Variants in IQSEC1 observed in about 807,000 individuals in gnomAD.
The protein encoded by IQSEC1 is IQ motif and Sec7 domain ArfGEF 1.
In IQSEC1, 31 loss-of-function variants were observed where a neutral mutation model predicts 91.0. That is an observed-to-expected ratio of 0.34 (90% CI 0.26 to 0.46). The LOEUF (loss-of-function observed/expected upper bound fraction) is 0.46. IQSEC1 is among the 20% of genes least tolerant of loss of function. IQSEC1 has a pLI of 1.00. For synonymous variants in IQSEC1, 699 were observed against 662.6 expected (o/e 1.05, Z -0.84); for missense variants, 1,388 against 1,575.6 (o/e 0.88, Z 2.02).
Position 12,935,563 on chromosome 3 carries a change from T to G in IQSEC1, c.1453A>C (p.Thr485Pro), listed in dbSNP as rs759043751. Residue 485 changes from threonine to proline, a missense_variant, in exon 3 of 14, where the codon ACG (threonine) becomes CCG (proline). Thr to Pro is a conservative substitution (Grantham distance 38). Around this residue, in one of 2 missense-constraint regions of IQSEC1, gnomAD observed 1,059 missense variants for 1,317.8 expected, o/e 0.80. Coordinates refer to ENST00000613206, the MANE Select transcript of IQSEC1 (RefSeq NM_001134382.3). The surrounding 1 kb of genome is among the most constrained non-coding windows in gnomAD (Gnocchi z 8.0). ...SSSRDSLREQ[T>P]LSKQTYHKEA... ...TTGTGGTAGGTCTGCTTGCTGAGCG[T>G]CTGCTCCCGCAGGCTGTCACGGGAC... The G allele has an allele frequency of 1.9e-6, 3 of 1,613,964 alleles. No individual in the cohort carries two copies. The highest frequency in any genetic ancestry group is 2.5e-6 in the Non-Finnish European group (3 of 1,180,024).
In IQSEC1 at chr3:12,922,028, T is replaced by G. The variant is rs990431569; in HGVS notation, c.1853+92A>C. The G allele has an allele frequency of 2.8e-6, 4 of 1,424,590 alleles. No homozygotes were observed. The East Asian group carries it at 7.5e-5, about 27-fold the overall frequency. 88.2% of individuals were successfully genotyped at this position (1,424,590 alleles called of 1,614,324 possible). On this transcript the variant is annotated intron_variant, in intron 5 of 13. Transcript: ENST00000613206. This position sits in a 1 kb window ranked among gnomAD's most constrained non-coding sequence, Gnocchi z 5.1. Reference sequence around the variant, plus strand: ...GACACCTGGCCCTGTCTAGGGATGGTGGGGATGCAGTCTTTGGTCCATCCT... The same window carrying G: ...GACACCTGGCCCTGTCTAGGGATGGGGGGGATGCAGTCTTTGGTCCATCCT...
At chr3:13,254,310 C>T (rs1395051182) in intron 1 of IQSEC1, among the ~76,000 whole-genome samples, 1 of 152,202 alleles carries the variant, frequency 6.6e-6, no homozygotes, top group African/African-American at 2.4e-5. Flanking sequence ...CCTCGCTGGC[C>T]AGGAGGTGCC....
At chr3:13,271,856 A>G (rs1158019937) in intron 1 of IQSEC1, among the ~76,000 whole-genome samples, 2 of 152,240 alleles carry the variant, frequency 1.3e-5, no homozygotes, top group Non-Finnish European at 2.9e-5. Context: ...TGGAGACATC[A>G]ATACCTCACT....
chr3:13,064,749 AGGACCAGACTC>A (rs1384457050), intron 1 of IQSEC1, among the ~76,000 whole-genome samples: 2 of 152,276 alleles, frequency 1.3e-5, no homozygotes, highest in Non-Finnish European at 2.9e-5. Context: ...AAGAGGAGTG[AGGACCAGACTC>A]GGATAGTTGC....
At chr3:13,280,248 C>T (rs1487914412) in intron 1 of IQSEC1, among the ~76,000 whole-genome samples, 2 of 152,200 alleles carry the variant, frequency 1.3e-5, no homozygotes, top group East Asian at 1.9e-4. Flanking sequence ...TATTCTCTTC[C>T]TCTCCATTCT....
intron 1 of IQSEC1, among the ~76,000 whole-genome samples, chr3:13,220,136 T>C (rs1694629438): frequency 6.6e-6 from 1 of 152,212 alleles, no homozygotes; most frequent in Non-Finnish European, 1.5e-5. Context: ...AGATTTTAAA[T>C]TGGCACGGGT....
chr3:13,281,461 G>C (rs1383591289), intron 1 of IQSEC1, among the ~76,000 whole-genome samples: 1 of 114,674 alleles, frequency 8.7e-6, no homozygotes, highest in Non-Finnish European at 2.1e-5. Context: ...CACGCACAGA[G>C]CCATGTATGT....
chr3:12,945,030 C>A (rs1699085762), intron 1 of IQSEC1, among the ~76,000 whole-genome samples: 1 of 152,216 alleles, frequency 6.6e-6, no homozygotes, highest in African/African-American at 2.4e-5. Context: ...AGTGAGGGCC[C>A]AGGCCTGCCT....
intron 1 of IQSEC1, among the ~76,000 whole-genome samples, chr3:13,244,660 C>T (rs1695078416): frequency 6.6e-6 from 1 of 152,210 alleles, no homozygotes. Context: ...ATCCCCACTC[C>T]CAGCCTCAGC....
chr3:13,016,020 C>T (rs1051184803), intron 1 of IQSEC1, among the ~76,000 whole-genome samples: 12 of 152,196 alleles, frequency 7.9e-5, no homozygotes, highest in African/African-American at 2.2e-4. Flanking sequence ...GAGCCAGCAG[C>T]ATAAAGTAGT....
intron 2 of IQSEC1, among the ~76,000 whole-genome samples, chr3:13,133,938 T>C (rs917461031): frequency 2.0e-5 from 3 of 152,162 alleles, no homozygotes; most frequent in African/African-American, 7.2e-5. Flanking sequence ...GGAAGACACC[T>C]AGCCTTCACC....
chr3:12,974,197 G>C (rs933143301), intron 1 of IQSEC1, among the ~76,000 whole-genome samples: 2 of 152,152 alleles, frequency 1.3e-5, no homozygotes, highest in African/African-American at 4.8e-5. Context: ...GCACATGATG[G>C]GTGCTCAGTG....
At chr3:13,005,261 C>T (rs1383505602) in intron 1 of IQSEC1, among the ~76,000 whole-genome samples, 1 of 152,174 alleles carries the variant, frequency 6.6e-6, no homozygotes, top group African/African-American at 2.4e-5. Flanking sequence ...AGTTCCCATA[C>T]TTCACGGTGT....
chr3:13,034,558 C>A (rs74975569), intron 1 of IQSEC1, among the ~76,000 whole-genome samples: 1 of 152,152 alleles, frequency 6.6e-6, no homozygotes, highest in East Asian at 1.9e-4. Flanking sequence ...CCTGTTGGCA[C>A]CTGCAACGCT....
At chr3:13,017,059 A>G (rs74987363) in intron 1 of IQSEC1, among the ~76,000 whole-genome samples, 230 of 152,232 alleles carry the variant, frequency 1.5e-3, no homozygotes, top group Admixed American at 3.1e-3. Context: ...CCAGAACTTC[A>G]TTTCTTTTTG....
chr3:13,077,140 C>T (rs1429756553), upstream of IQSEC1, among the ~76,000 whole-genome samples: 3 of 151,792 alleles, frequency 2.0e-5, no homozygotes, highest in South Asian at 2.1e-4. Flanking sequence ...CTGGGCTCAG[C>T]GATCTTCCTG....
chr3:12,991,041 C>T (rs1211999685), intron 1 of IQSEC1, among the ~76,000 whole-genome samples: 13 of 152,148 alleles, frequency 8.5e-5, no homozygotes, highest in Admixed American at 1.3e-4. Context: ...TCCAAACTGA[C>T]GCTTGCTATG....
chr3:12,996,511 C>T (rs1476732467), intron 1 of IQSEC1, among the ~76,000 whole-genome samples: 1 of 152,012 alleles, frequency 6.6e-6, no homozygotes, highest in African/African-American at 2.4e-5. Context: ...ATTTTCATTC[C>T]CAGGAGCCGT....
At chr3:13,085,727 T>C (rs1431532609) in intron 2 of IQSEC1, among the ~76,000 whole-genome samples, 1 of 152,230 alleles carries the variant, frequency 6.6e-6, no homozygotes, top group Non-Finnish European at 1.5e-5. Flanking sequence ...GTTACCCCAT[T>C]TCACAGACGG....
Sources: gnomAD v4.1 joint callset for allele counts (sites outside exome capture counted in the v4.1 genomes callset) on GRCh38, gnomAD v4.1.1 for gene constraint, gnomAD v4.1.1 regional missense constraint, Gnocchi (gnomAD v3.1) non-coding constraint, MANE v1.5 for transcripts, NCBI Gene and HGNC (gene_info 2026-07-23, HGNC 2026-07-21) for gene names.